ANO4: variants seen among roughly 807,000 people sequenced by gnomAD.
ANO4 encodes the protein anoctamin-4.
Under a neutral mutation model 141.9 loss-of-function variants are expected in ANO4, and 69 were observed. That is an observed-to-expected ratio of 0.49 (90% CI 0.40 to 0.59). The LOEUF is 0.59. Ranked by LOEUF, ANO4 falls within the 20% of genes least tolerant of loss-of-function variation. ANO4 has a pLI of 0.00. For missense variants in ANO4, 894 were observed against 1,162.2 expected (o/e 0.77, Z 3.36); for synonymous variants, 350 against 394.3 (o/e 0.89, Z 1.33).
chr12:100,880,566 C>T (rs747181190), intron 1 of ANO4, among the ~76,000 whole-genome samples: 6 of 152,132 alleles, frequency 3.9e-5, no homozygotes, highest in African/African-American at 7.2e-5. Flanking sequence ...TTAATTTATA[C>T]AATAATACAA....
intron 7 of ANO4, among the ~76,000 whole-genome samples, chr12:100,984,499 A>T (rs1200159547): frequency 1.3e-5 from 2 of 152,210 alleles, no homozygotes; most frequent in African/African-American, 2.4e-5. Context: ...AATGCTTGCT[A>T]TCTGTCTGGC....
intron 5 of ANO4, among the ~76,000 whole-genome samples, chr12:100,948,279 T>C (rs761897727): frequency 6.6e-6 from 1 of 151,910 alleles, no homozygotes; most frequent in African/African-American, 2.4e-5. Flanking sequence ...CTGCCCAGAC[T>C]GTGGTTCTTA....
chr12:100,837,944 G>T (rs2135798045), intron 1 of ANO4, among the ~76,000 whole-genome samples: 1 of 152,106 alleles, frequency 6.6e-6, no homozygotes, highest in South Asian at 2.1e-4. Context: ...TCTTATAACT[G>T]CCCCTTCCTT....
intron 1 of ANO4, among the ~76,000 whole-genome samples, chr12:100,866,680 A>G (rs938335): frequency 0.68 from 103,927 of 151,900 alleles, 35,625 homozygotes; most frequent in Middle Eastern, 0.77. Context: ...AAGCATTTCT[A>G]CATTAAACAT....
At chr12:100,828,982 T>C (rs1453815902) in intron 1 of ANO4, among the ~76,000 whole-genome samples, 3 of 151,612 alleles carry the variant, frequency 2.0e-5, no homozygotes, top group Non-Finnish European at 4.4e-5. Context: ...ATTGTGCCAC[T>C]GCACTCCAGC....
intron 1 of ANO4, among the ~76,000 whole-genome samples, chr12:100,838,215 G>T (rs2037047128): frequency 8.1e-6 from 1 of 123,492 alleles, no homozygotes; most frequent in Non-Finnish European, 1.6e-5. Context: ...GGATGACAGA[G>T]TGAGACTCCG....
intron 10 of ANO4, chr12:101,038,634 G>T (rs976304440): frequency 3.9e-5 from 6 of 152,190 alleles, no homozygotes; most frequent in Admixed American, 3.9e-4. Flanking sequence ...AAGGCAGAAG[G>T]TCAGATATTG....
At chr12:100,834,859 G>C in intron 1 of ANO4, among the ~76,000 whole-genome samples, 1 of 152,170 alleles carries the variant, frequency 6.6e-6, no homozygotes, top group Non-Finnish European at 1.5e-5. Flanking sequence ...TATGAGGGAA[G>C]AGTGATCCAG....
intron 1 of ANO4, among the ~76,000 whole-genome samples, chr12:100,800,533 C>G (rs567406221): frequency 6.6e-6 from 1 of 152,202 alleles, no homozygotes; most frequent in Non-Finnish European, 1.5e-5. Flanking sequence ...CCTTTGCTGT[C>G]GTGGTGACAT....
chr12:100,742,847 A>C (rs969452451), intron 3 of ANO4, among the ~76,000 whole-genome samples: 1 of 152,158 alleles, frequency 6.6e-6, no homozygotes. Context: ...ACTAACTTCT[A>C]TAGTAGATTC....
intron 3 of ANO4, among the ~76,000 whole-genome samples, chr12:100,785,038 G>GT (rs2033824978): frequency 6.6e-6 from 1 of 151,700 alleles, no homozygotes; most frequent in South Asian, 2.1e-4. Flanking sequence ...ACTTAAATTA[G>GT]TAAAAAGGCT....
intron 2 of ANO4, among the ~76,000 whole-genome samples, chr12:100,906,917 T>A (rs893348109): frequency 2.6e-5 from 4 of 152,162 alleles, no homozygotes; most frequent in African/African-American, 9.7e-5. Context: ...GCATGACCAC[T>A]GGGAAGATCC....
intron 3 of ANO4, among the ~76,000 whole-genome samples, chr12:100,924,627 AAATC>A (rs2041786318): frequency 6.6e-6 from 1 of 152,142 alleles, no homozygotes; most frequent in Non-Finnish European, 1.5e-5. Context: ...AAGAGAATAA[AAATC>A]AGATTATTAG....
chr12:100,876,976 G>A (rs1292365433), intron 1 of ANO4, among the ~76,000 whole-genome samples: 3 of 152,144 alleles, frequency 2.0e-5, no homozygotes, highest in African/African-American at 7.2e-5. Flanking sequence ...GTGACAAAAT[G>A]GATGAACCTG....
rs562034087 is a variant in ANO4 at position 101,033,001 on chromosome 12, A to G, written c.842-4094A>G. On this transcript the variant is annotated intron_variant, in intron 9 of 27. Transcript: ENST00000392977. ...CCAAAGGACTATAAATCATGCTGCT[A>G]TAAGACACATGCACACGTATGTTTA... 2.6e-5 allele frequency among the ~76,000 whole-genome samples: 4 copies of G among 152,320 alleles called. No homozygotes were observed. The East Asian group carries it at 5.8e-4, about 22-fold the overall frequency.
chr12:100,728,248 A>G (rs1036897359), intron 1 of ANO4, among the ~76,000 whole-genome samples: 1 of 152,180 alleles, frequency 6.6e-6, no homozygotes, highest in Non-Finnish European at 1.5e-5. Flanking sequence ...TTTTGTTATA[A>G]GATTGTGTTG....
intron 3 of ANO4, among the ~76,000 whole-genome samples, chr12:100,755,707 C>T (rs1261141140): frequency 2.0e-5 from 3 of 151,762 alleles, no homozygotes; most frequent in African/African-American, 7.3e-5. Flanking sequence ...AAATTTCTTC[C>T]TAGTTTGCTT....
At chr12:100,798,129 G>C (rs775866953) in intron 1 of ANO4, among the ~76,000 whole-genome samples, 10 of 152,168 alleles carry the variant, frequency 6.6e-5, no homozygotes, top group Non-Finnish European at 1.0e-4. Flanking sequence ...TATGTTTACT[G>C]TCTAAAAGGT....
Position 101,120,538 on chromosome 12 carries a change from C to T in ANO4, c.2589C>T (p.Asp863=), listed in dbSNP as rs1423318615. The change falls in exon 26 of 28, where the codon GAC becomes GAT. Residue 863 remains aspartate, a synonymous_variant. Transcript: ENST00000392977. ...LKYCRYRDYR[D]PPHSLVPYGY... ...TTTATAGATACCGGGACTACCGTGA[C>T]CCGCCTCATTCACTGGTGCCCTATG... 1 of 1,614,042 alleles carries T rather than the reference C, an allele frequency of 6.2e-7. No homozygotes were observed. Among genetic ancestry groups the T allele is most frequent in the African/African-American group, 1.3e-5 (1 of 75,020 alleles).
Sources: allele counts gnomAD v4.1 joint callset (sites outside exome capture counted in the v4.1 genomes callset), GRCh38; gene constraint gnomAD v4.1.1; transcripts MANE v1.5; gene names NCBI Gene and HGNC (gene_info 2026-07-23, HGNC 2026-07-21).